Variants in GAS2L3 observed in about 807,000 individuals in gnomAD.
The protein encoded by GAS2L3 is GAS2-like protein 3.
A neutral mutation model predicts 37.0 loss-of-function variants in GAS2L3; 28 were observed. That is an observed-to-expected ratio of 0.76 (90% CI 0.56 to 1.04). The LOEUF is 1.04. Among genes scored for constraint, GAS2L3 ranks in the 50% least tolerant of loss-of-function variants. GAS2L3 has a pLI of 0.00. For synonymous variants in GAS2L3, 290 were observed against 296.6 expected (o/e 0.98, Z 0.23); for missense variants, 793 against 817.6 (o/e 0.97, Z 0.37).
intron 5 of GAS2L3, among the ~76,000 whole-genome samples, chr12:100,606,903 T>C (rs1956063973): frequency 6.6e-6 from 1 of 152,170 alleles, no homozygotes; most frequent in Non-Finnish European, 1.5e-5. Context: ...AATATAATAT[T>C]TTACATACCA....
At chr12:100,594,827 C>G (rs2136438812) in intron 2 of GAS2L3, 48 bp from the exon 3 acceptor site, 2 of 643,792 alleles carry the variant, frequency 3.1e-6, no homozygotes, top group East Asian at 3.4e-5. Context: ...GGGGGAGTAG[C>G]AAAACTGCCA....
At chr12:100,614,452 G>A (rs1163759112) in intron 6 of GAS2L3, among the ~76,000 whole-genome samples, 3 of 150,584 alleles carry the variant, frequency 2.0e-5, no homozygotes, top group Non-Finnish European at 4.4e-5. Flanking sequence ...GAAAGAGTGA[G>A]ACTCATAAAA....
intron 1 of GAS2L3, chr12:100,578,989 CCTCA>C: frequency 1.1e-6 from 1 of 876,128 alleles, no homozygotes; most frequent in Non-Finnish European, 1.9e-6. Flanking sequence ...GCATCCGTTA[CCTCA>C]CTAATGACCT....
intron 4 of GAS2L3, 81 bp downstream of exon 4, chr12:100,600,631 T>C (rs1955976404): frequency 8.9e-6 from 10 of 1,122,676 alleles, no homozygotes; most frequent in Non-Finnish European, 1.3e-5. Context: ...TGTCAAGGAG[T>C]GATTGTTACA....
At chr12:100,577,870 T>TGA (rs1177993457) in intron 1 of GAS2L3, among the ~76,000 whole-genome samples, 2 of 152,062 alleles carry the variant, frequency 1.3e-5, no homozygotes, top group Non-Finnish European at 2.9e-5. Flanking sequence ...GACCTAGAGG[T>TGA]GAAAGCATGG....
intron 6 of GAS2L3, among the ~76,000 whole-genome samples, chr12:100,616,411 GTTTTTTGT>G (rs563383542): frequency 5.3e-4 from 80 of 151,966 alleles, no homozygotes; most frequent in African/African-American, 1.9e-3. Flanking sequence ...TATGTTACCT[GTTTTTTGT>G]TTTTTTGTTT....
intron 4 of GAS2L3, among the ~76,000 whole-genome samples, chr12:100,601,267 AAGTTAGTATTCCC>A (rs1357635505): frequency 2.0e-5 from 3 of 152,138 alleles, no homozygotes; most frequent in Non-Finnish European, 2.9e-5. Flanking sequence ...TAGAAGTAAA[AAGTTAGTATTCCC>A]TGGGTATTTG....
intron 3 of GAS2L3, among the ~76,000 whole-genome samples, chr12:100,595,412 G>T (rs868206248): frequency 0.022 from 3,008 of 133,960 alleles, 69 homozygotes; most frequent in African/African-American, 0.065. Flanking sequence ...TTTTTTTTTT[G>T]TTTTGTTTTT....
chr12:100,625,122 A>T lies in GAS2L3; in HGVS notation c.*232A>T. On this transcript the variant is annotated 3_prime_UTR_variant, in exon 10 of 10. Coordinates refer to ENST00000547754, the MANE Select transcript of GAS2L3 (RefSeq NM_174942.3). ...ACTGCAAGGTTTTTATTAATAATAG[A>T]CATGTATATGATTTTCAGTCTATAG... 2.6e-6 allele frequency: 1 copy of T among 383,180 alleles called. No homozygotes were observed. Among genetic ancestry groups the T allele is most frequent in the Non-Finnish European group, 4.7e-6 (1 of 214,454 alleles). The allele number at this position is 383,180 out of a possible 1,614,324, so 23.7% of individuals were successfully genotyped here.
At chr12:100,574,289 GAC>G (rs759534306) in intron 1 of GAS2L3, among the ~76,000 whole-genome samples, 2 of 152,210 alleles carry the variant, frequency 1.3e-5, no homozygotes, top group African/African-American at 2.4e-5. Flanking sequence ...GAAAGAGACA[GAC>G]AGTTATTCTT....
chr12:100,577,330 A>T (rs979147992), intron 1 of GAS2L3, among the ~76,000 whole-genome samples: 2 of 152,150 alleles, frequency 1.3e-5, no homozygotes, highest in Admixed American at 1.3e-4. Flanking sequence ...GTCCCCATAC[A>T]TTCTTTTAAT....
At chr12:100,615,172 G>A (rs1956171064) in intron 6 of GAS2L3, among the ~76,000 whole-genome samples, 1 of 152,044 alleles carries the variant, frequency 6.6e-6, no homozygotes, top group African/African-American at 2.4e-5. Flanking sequence ...ATACTTATTT[G>A]CCTGTTTTTG....
chr12:100,577,282 A>G (rs1955648883), intron 1 of GAS2L3, among the ~76,000 whole-genome samples: 1 of 152,140 alleles, frequency 6.6e-6, no homozygotes, highest in South Asian at 2.1e-4. Flanking sequence ...GGATAGTTAG[A>G]TATTGTTCTT....
Position 100,624,688 on chromosome 12 carries a change from C to T in GAS2L3, c.1883C>T (p.Ala628Val), listed in dbSNP as rs1565816814. ...LPQSSTKTQT[A>V]PKSAQTVAKS... ...CAGTCTTCTACCAAAACACAAACTG[C>T]ACCGAAGTCAGCACAGACTGTCGCT... is the stretch of plus-strand genomic sequence containing the variant. Residue 628 changes from alanine to valine, a missense_variant, in exon 10 of 10, where the codon GCA becomes GTA. Transcript: ENST00000547754. The T allele has an allele frequency of 3.1e-6, 5 of 1,614,100 alleles. No homozygotes were observed. The highest frequency in any genetic ancestry group is 3.4e-6 in the Non-Finnish European group (4 of 1,180,022).
intron 6 of GAS2L3, among the ~76,000 whole-genome samples, chr12:100,614,214 A>G (rs971684695): frequency 1.4e-4 from 21 of 152,192 alleles, no homozygotes; most frequent in African/African-American, 5.1e-4. Flanking sequence ...CTGTAATCCC[A>G]GCACTTTGGG....
intron 2 of GAS2L3, among the ~76,000 whole-genome samples, chr12:100,594,356 G>C (rs1955883757): frequency 6.6e-6 from 1 of 151,992 alleles, no homozygotes; most frequent in African/African-American, 2.4e-5. Context: ...GGGAGGCATT[G>C]AGCATTTTGG....
At chr12:100,583,213 T>C (rs547736645) in intron 1 of GAS2L3, among the ~76,000 whole-genome samples, 2 of 152,364 alleles carry the variant, frequency 1.3e-5, no homozygotes, top group East Asian at 1.9e-4. Context: ...TTGGGTCCAC[T>C]AGGAAAATCT....
intron 6 of GAS2L3, among the ~76,000 whole-genome samples, chr12:100,616,985 ACTTT>A: frequency 6.8e-6 from 1 of 148,090 alleles, no homozygotes; most frequent in South Asian, 2.1e-4. Context: ...AGATTGAGAA[ACTTT>A]CTTTTTTCTT....
chr12:100,624,663 C>G lies in GAS2L3; in HGVS notation c.1858C>G (p.Gln620Glu). The G allele has an allele frequency of 6.2e-7, 1 of 1,614,122 alleles. No individual in the cohort carries two copies. The highest frequency in any genetic ancestry group is 8.5e-7 in the Non-Finnish European group (1 of 1,180,032). Residue 620 changes from glutamine (Q) to glutamate (E), a missense_variant, in exon 10 of 10, where the codon CAG becomes GAG. By Grantham distance (29) the Gln-to-Glu change is conservative (BLOSUM62 2). Transcript: ENST00000547754. ...CCCACTGTCCATCGTGAGCCTACCC[C>G]AGTCTTCTACCAAAACACAAACTGC... ...RTPLSIVSLP[Q>E]SSTKTQTAPK...
Sources: allele counts gnomAD v4.1 joint callset (sites outside exome capture counted in the v4.1 genomes callset), GRCh38; gene constraint gnomAD v4.1.1; transcripts MANE v1.5; gene names NCBI Gene and HGNC (gene_info 2026-07-23, HGNC 2026-07-21).